Variants in TFAP2D observed in about 807,000 individuals in gnomAD.
TFAP2D encodes the protein transcription factor AP-2-delta.
In TFAP2D, 9 loss-of-function variants were observed where a neutral mutation model predicts 43.6. The observed-to-expected ratio is 0.21, with a 90% CI of 0.12 to 0.36. The LOEUF (loss-of-function observed/expected upper bound fraction) is 0.36. Among genes scored for constraint, TFAP2D ranks in the 10% least tolerant of loss-of-function variants. The pLI is 1.00. For synonymous variants in TFAP2D, 256 were observed against 224.9 expected (o/e 1.14, Z -1.24); for missense variants, 513 against 561.4 (o/e 0.91, Z 0.87).
intron 7 of TFAP2D, among the ~76,000 whole-genome samples, chr6:50,758,590 G>A (rs1002515051): frequency 6.6e-6 from 1 of 151,958 alleles, no homozygotes; most frequent in African/African-American, 2.4e-5. Context: ...TTTTCTGATT[G>A]CTCTATTCTT....
intron 5 of TFAP2D, among the ~76,000 whole-genome samples, chr6:50,741,311 A>C (rs1398036681): frequency 6.6e-6 from 1 of 152,170 alleles, no homozygotes; most frequent in Admixed American, 6.5e-5. Context: ...TTTTAAGTTC[A>C]GGGGTACAAA....
In TFAP2D at chr6:50,714,091, C is replaced by A. The variant is rs75879710; in HGVS notation, c.36C>A (p.Ala12=). ...CCTTTCCGGGACTAGTCCACGATGC[C>A]GAGGTATTATTACTTTTTTTTTTTT... The part of the protein sequence containing the change: ...STTFPGLVHD[A]EIRHDGSNSY... Residue 12 remains alanine (A), a synonymous_variant, in exon 1 of 8, where the codon GCC becomes GCA. Transcript: ENST00000008391. The A allele has an allele frequency of 1.2e-6, 2 of 1,602,352 alleles. No individual in the cohort carries two copies. Among genetic ancestry groups the A allele is most frequent in the South Asian group, 2.2e-5 (2 of 89,788 alleles).
intron 5 of TFAP2D, among the ~76,000 whole-genome samples, chr6:50,736,952 T>G (rs1358978905): frequency 1.3e-5 from 2 of 152,294 alleles, no homozygotes; most frequent in Non-Finnish European, 2.9e-5. Flanking sequence ...ATGGATCAAC[T>G]AATGCTTTAT....
intron 7 of TFAP2D, among the ~76,000 whole-genome samples, chr6:50,761,259 T>A (rs1278697378): frequency 6.6e-6 from 1 of 151,752 alleles, no homozygotes; most frequent in Non-Finnish European, 1.5e-5. Context: ...GAAAAAAGCT[T>A]GCTTGCTTTT....
chr6:50,734,369 C>T (rs1484248426), intron 5 of TFAP2D, among the ~76,000 whole-genome samples: 1 of 152,052 alleles, frequency 6.6e-6, no homozygotes, highest in Non-Finnish European at 1.5e-5. Flanking sequence ...TAAAGACCAT[C>T]ATATCTATAA....
chr6:50,750,072 C>T (rs549701970), intron 6 of TFAP2D, among the ~76,000 whole-genome samples: 2 of 151,870 alleles, frequency 1.3e-5, no homozygotes, highest in African/African-American at 2.4e-5. Context: ...TTTTAGATAC[C>T]TGATTAAGAA....
At chr6:50,721,678 T>G (rs1768726860) in intron 3 of TFAP2D, among the ~76,000 whole-genome samples, 1 of 152,242 alleles carries the variant, frequency 6.6e-6, no homozygotes. Context: ...ACTGCTATAC[T>G]TCATATAACC....
chr6:50,715,682 G>T (rs986357102), intron 2 of TFAP2D, 69 bp downstream of exon 2: 3 of 1,494,108 alleles, frequency 2.0e-6, no homozygotes, highest in East Asian at 4.6e-5. Context: ...CCCCATTAAT[G>T]CTCCGACTGT....
At chr6:50,728,795 C>T in intron 3 of TFAP2D, 61 bp from the exon 4 acceptor site, 6 of 1,522,398 alleles carry the variant, frequency 3.9e-6, no homozygotes, top group Non-Finnish European at 4.5e-6. Context: ...TGTTAACTGC[C>T]TCTCATGCAG....
intron 3 of TFAP2D, among the ~76,000 whole-genome samples, chr6:50,724,973 G>T (rs1380719604): frequency 1.3e-5 from 2 of 151,728 alleles, no homozygotes; most frequent in Non-Finnish European, 2.9e-5. Context: ...TCATTGTTTA[G>T]ATGGACAGAC....
Position 50,728,985 on chromosome 6 carries a change from G to T in TFAP2D, c.728G>T (p.Cys243Phe). Residue 243 changes from cysteine (C) to phenylalanine (F), a missense_variant, in exon 4 of 8, where the codon TGC becomes TTC. Transcript: ENST00000008391. ...EVKRRLSPPE[C>F]LNASLLGGIL... Reference sequence around the variant, plus strand: ...AAGAGGCGCCTCTCCCCACCTGAGTGCCTCAATGCTTCACTCTTGGGAGGC... The same window carrying T: ...AAGAGGCGCCTCTCCCCACCTGAGTTCCTCAATGCTTCACTCTTGGGAGGC... The T allele has an allele frequency of 6.2e-7, 1 of 1,613,920 alleles. No homozygotes were observed. The highest frequency in any genetic ancestry group is 8.5e-7 in the Non-Finnish European group (1 of 1,179,918).
intron 5 of TFAP2D, among the ~76,000 whole-genome samples, chr6:50,731,262 T>C (rs1292122131): frequency 6.6e-6 from 1 of 152,056 alleles, no homozygotes. Context: ...ATTTTATCCT[T>C]TTGAGGAGCA....
At chr6:50,742,631 TGATAGATA>T (rs145383839) in intron 5 of TFAP2D, among the ~76,000 whole-genome samples, 2 of 142,378 alleles carry the variant, frequency 1.4e-5, no homozygotes, top group African/African-American at 2.6e-5. Context: ...GATAGATAGA[TGATAGATA>T]GATAGACTCT....
chr6:50,746,387 G>A (rs1353035643), intron 6 of TFAP2D, among the ~76,000 whole-genome samples: 1 of 151,908 alleles, frequency 6.6e-6, no homozygotes, highest in Non-Finnish European at 1.5e-5. Context: ...ACAGGCATGA[G>A]CCAGCACACC....
intron 7 of TFAP2D, among the ~76,000 whole-genome samples, chr6:50,757,610 AATTATTCTATATATAT>A (rs1769296764): frequency 1.4e-5 from 1 of 69,430 alleles, no homozygotes; most frequent in Non-Finnish European, 2.5e-5. Context: ...GAATATATAT[AATTATTCTATATATAT>A]AGAATATATA....
intron 2 of TFAP2D, among the ~76,000 whole-genome samples, chr6:50,716,841 G>A (rs1428948499): frequency 2.0e-5 from 3 of 152,004 alleles, no homozygotes; most frequent in Non-Finnish European, 4.4e-5. Context: ...CCCTTGTTGC[G>A]CACAAAAAAT....
chr6:50,751,076 A>G, intron 6 of TFAP2D, 135 bp from the exon 7 acceptor site: 1 of 616,084 alleles, frequency 1.6e-6, no homozygotes, highest in Admixed American at 2.9e-5. Context: ...TATGAATGGA[A>G]CTTTTGAGGT....
At chr6:50,723,570 C>T (rs77322481) in intron 3 of TFAP2D, among the ~76,000 whole-genome samples, 2 of 152,176 alleles carry the variant, frequency 1.3e-5, no homozygotes, top group Non-Finnish European at 2.9e-5. Context: ...ACACCTCAAG[C>T]CTCGCCTGCC....
At chr6:50,729,780 C>G (rs1042188476) in intron 5 of TFAP2D, among the ~76,000 whole-genome samples, 12 of 152,074 alleles carry the variant, frequency 7.9e-5, no homozygotes, top group African/African-American at 1.7e-4. Context: ...GTAGACCTCT[C>G]TAAAGACATG....
Sources: allele counts gnomAD v4.1 joint callset (sites outside exome capture counted in the v4.1 genomes callset), GRCh38; gene constraint gnomAD v4.1.1; transcripts MANE v1.5; gene names NCBI Gene and HGNC (gene_info 2026-07-23, HGNC 2026-07-21).